The following PID1 variants were observed in gnomAD, a reference collection of about 807,000 sequenced individuals.
The protein encoded by PID1 is phosphotyrosine interaction domain containing 1.
Under a neutral mutation model 19.1 loss-of-function variants are expected in PID1, and 10 were observed. The observed-to-expected ratio is 0.52, with a 90% CI of 0.32 to 0.89. The LOEUF is 0.89. PID1 is among the 40% of genes least tolerant of loss of function. PID1 has a pLI of 0.03. For missense variants in PID1, 248 were observed against 285.3 expected (o/e 0.87, Z 0.94); for synonymous variants, 130 against 116.0 (o/e 1.12, Z -0.78).
In PID1 at chr2:229,240,149, C is replaced by T. The variant is rs191658956; in HGVS notation, c.30+30865G>A. ...TCATTATTACAGATGCAAACAGATACATTGCTAATTATTTTCCAAAATCAC... is the reference window on the plus strand; with the variant it reads ...TCATTATTACAGATGCAAACAGATATATTGCTAATTATTTTCCAAAATCAC... On this transcript the variant is annotated intron_variant, in intron 1 of 2. Coordinates refer to ENST00000392055, the MANE Select transcript of PID1 (RefSeq NM_001100818.2). Among the ~76,000 whole-genome samples, 4 of 152,224 alleles carry T rather than the reference C, an allele frequency of 2.6e-5. No homozygotes were observed. The East Asian group carries it at 7.7e-4, about 29-fold the overall frequency.
intron 2 of PID1, among the ~76,000 whole-genome samples, chr2:229,037,640 C>T (rs1313296937): frequency 2.0e-5 from 3 of 152,152 alleles, no homozygotes; most frequent in African/African-American, 4.8e-5. Context: ...TTAATAAAAA[C>T]GAGACCACAT....
chr2:229,208,081 T>G (rs1363017924), intron 1 of PID1, among the ~76,000 whole-genome samples: 1 of 152,152 alleles, frequency 6.6e-6, no homozygotes, highest in Non-Finnish European at 1.5e-5. Context: ...CCACAAATAA[T>G]CAGTTTGCTT....
chr2:229,131,166 G>A (rs1296930917), intron 2 of PID1, among the ~76,000 whole-genome samples: 4 of 152,080 alleles, frequency 2.6e-5, no homozygotes, highest in South Asian at 2.1e-4. Context: ...CTATAACATC[G>A]GAGCATAAAC....
At chr2:229,143,649 C>T (rs569244814) in intron 2 of PID1, among the ~76,000 whole-genome samples, 11 of 152,228 alleles carry the variant, frequency 7.2e-5, no homozygotes, top group African/African-American at 2.6e-4. Flanking sequence ...ATCCAAATCT[C>T]ATCTTGAATT....
chr2:229,053,944 A>T (rs1307392396), intron 2 of PID1, among the ~76,000 whole-genome samples: 1 of 152,220 alleles, frequency 6.6e-6, no homozygotes, highest in Non-Finnish European at 1.5e-5. Context: ...CAACTTTAAG[A>T]AATGAAAATT....
intron 1 of PID1, among the ~76,000 whole-genome samples, chr2:229,183,675 T>A (rs1690994932): frequency 6.6e-6 from 1 of 152,100 alleles, no homozygotes; most frequent in South Asian, 2.1e-4. Flanking sequence ...TCTTGGGTTT[T>A]GAGACCGCTG....
At chr2:229,142,148 C>A (rs1289801101) in intron 2 of PID1, among the ~76,000 whole-genome samples, 2 of 152,120 alleles carry the variant, frequency 1.3e-5, no homozygotes, top group South Asian at 4.2e-4. Flanking sequence ...AAACCTGGGG[C>A]GGGGGCTGTA....
intron 2 of PID1, among the ~76,000 whole-genome samples, chr2:229,115,254 C>A (rs1695386908): frequency 6.6e-6 from 1 of 151,874 alleles, no homozygotes; most frequent in Non-Finnish European, 1.5e-5. Context: ...GACTTGTAAT[C>A]CCAACACTTT....
chr2:229,038,111 A>G (rs1000532793), intron 2 of PID1, among the ~76,000 whole-genome samples: 3 of 152,234 alleles, frequency 2.0e-5, no homozygotes, highest in African/African-American at 7.2e-5. Context: ...CTACAAGTCT[A>G]GAGATTCTAG....
At chr2:229,109,520 A>G (rs1695251145) in intron 2 of PID1, among the ~76,000 whole-genome samples, 1 of 152,186 alleles carries the variant, frequency 6.6e-6, no homozygotes, top group Non-Finnish European at 1.5e-5. Flanking sequence ...TTGCAAATGC[A>G]TGCTCCCCAT....
intron 1 of PID1, among the ~76,000 whole-genome samples, chr2:229,195,402 C>T (rs192817060): frequency 1.8e-4 from 27 of 151,730 alleles, no homozygotes; most frequent in Admixed American, 6.6e-4. Flanking sequence ...CATATACATA[C>T]ATAACATGCA....
intron 1 of PID1, among the ~76,000 whole-genome samples, chr2:229,254,762 G>A (rs1348164720): frequency 6.6e-6 from 1 of 152,184 alleles, no homozygotes; most frequent in Admixed American, 6.5e-5. Flanking sequence ...AAAAGCATGT[G>A]AATTGTTTTC....
chr2:229,129,653 T>C (rs12467995), intron 2 of PID1, among the ~76,000 whole-genome samples: 10,545 of 152,264 alleles, frequency 0.069, 543 homozygotes, highest in South Asian at 0.22. Context: ...AGAGTAGTTA[T>C]GCACAAGTAT....
At chr2:229,227,143 C>T (rs1447485402) in intron 1 of PID1, among the ~76,000 whole-genome samples, 1 of 152,186 alleles carries the variant, frequency 6.6e-6, no homozygotes, top group African/African-American at 2.4e-5. Flanking sequence ...AAGGACTTGA[C>T]CTCCCAAATG....
At chr2:229,150,803 A>G (rs1300018847) in intron 2 of PID1, among the ~76,000 whole-genome samples, 1 of 150,600 alleles carries the variant, frequency 6.6e-6, no homozygotes, top group Non-Finnish European at 1.5e-5. Context: ...TTGGTTATAT[A>G]TCTACACATA....
chr2:229,073,988 A>T (rs573201286), intron 2 of PID1, among the ~76,000 whole-genome samples: 1 of 152,360 alleles, frequency 6.6e-6, no homozygotes, highest in African/African-American at 2.4e-5. Flanking sequence ...TCCTGGGGCC[A>T]TACTTACCTC....
intron 2 of PID1, among the ~76,000 whole-genome samples, chr2:229,115,415 A>AG (rs1164966230): frequency 5.3e-5 from 8 of 151,522 alleles, no homozygotes; most frequent in Middle Eastern, 3.4e-3. Flanking sequence ...AAAAAAAAAA[A>AG]AAGAAGAGAA....
At chr2:229,232,282 A>T (rs1692226909) in intron 1 of PID1, among the ~76,000 whole-genome samples, 1 of 151,732 alleles carries the variant, frequency 6.6e-6, no homozygotes, top group African/African-American at 2.4e-5. Context: ...AAAAATAAAA[A>T]TTAGCTGGGT....
At chr2:229,031,557 C>CA (rs1559201607) in intron 2 of PID1, among the ~76,000 whole-genome samples, 1 of 144,316 alleles carries the variant, frequency 6.9e-6, no homozygotes, top group African/African-American at 2.6e-5. Flanking sequence ...GACCTTGTCT[C>CA]AAAAAAGAAA....
Sources: gnomAD v4.1 joint callset for allele counts (sites outside exome capture counted in the v4.1 genomes callset) on GRCh38, gnomAD v4.1.1 for gene constraint, MANE v1.5 for transcripts, NCBI Gene and HGNC (gene_info 2026-07-23, HGNC 2026-07-21) for gene names.